The following ALK variants were observed in gnomAD, a reference collection of about 807,000 sequenced individuals.
ALK encodes the protein ALK tyrosine kinase receptor.
A neutral mutation model predicts 163.1 loss-of-function variants in ALK; 74 were observed. The observed-to-expected ratio is 0.45, with a 90% CI of 0.38 to 0.55. ALK has a LOEUF of 0.55. Among genes scored for constraint, ALK ranks in the 20% least tolerant of loss-of-function variants. The pLI is 0.00. For missense variants in ALK, 2,063 were observed against 2,105.3 expected (o/e 0.98, Z 0.39); for synonymous variants, 960 against 843.2 (o/e 1.14, Z -2.40).
intron 1 of ALK, among the ~76,000 whole-genome samples, chr2:29,792,279 A>G (rs1408259006): frequency 6.6e-6 from 1 of 152,208 alleles, no homozygotes; most frequent in Non-Finnish European, 1.5e-5. Context: ...GATAGATGGA[A>G]TAATGGAACA....
intron 1 of ALK, among the ~76,000 whole-genome samples, chr2:29,900,564 C>A (rs1485238820): frequency 1.3e-5 from 2 of 152,222 alleles, no homozygotes; most frequent in African/African-American, 4.8e-5. Flanking sequence ...TTTTCTGGCA[C>A]CCACTGTGGT....
intron 26 of ALK, among the ~76,000 whole-genome samples, chr2:29,206,204 C>T (rs1669304619): frequency 6.6e-6 from 1 of 151,372 alleles, no homozygotes; most frequent in Admixed American, 6.6e-5. Flanking sequence ...CCCTCCCTTT[C>T]TTCTCTCTCC....
chr2:29,631,432 T>C (rs868172189), intron 3 of ALK, among the ~76,000 whole-genome samples: 29 of 152,180 alleles, frequency 1.9e-4, no homozygotes, highest in African/African-American at 7.0e-4. Flanking sequence ...TGTGGAACAG[T>C]GAGCATGGAA....
At chr2:29,469,922 G>GA (rs1006837567) in intron 4 of ALK, among the ~76,000 whole-genome samples, 1 of 151,768 alleles carries the variant, frequency 6.6e-6, no homozygotes, top group Non-Finnish European at 1.5e-5. Context: ...AAAAGCAATG[G>GA]AAAAAAATAA....
chr2:29,790,380 TA>T (rs1664160464), intron 1 of ALK, among the ~76,000 whole-genome samples: 1 of 152,162 alleles, frequency 6.6e-6, no homozygotes, highest in African/African-American at 2.4e-5. Context: ...GAAAAAATGT[TA>T]ATCTATGCAA....
intron 5 of ALK, among the ~76,000 whole-genome samples, chr2:29,355,491 GACAC>G (rs148233746): frequency 2.0e-5 from 3 of 150,238 alleles, no homozygotes; most frequent in South Asian, 2.1e-4. Context: ...ACCACACACA[GACAC>G]ACACACACAC....
At chr2:29,858,578 CAA>C (rs541691258) in intron 1 of ALK, among the ~76,000 whole-genome samples, 7 of 130,536 alleles carry the variant, frequency 5.4e-5, no homozygotes, top group African/African-American at 5.6e-5. Context: ...ACTAAAAATA[CAA>C]AAAAAAAAAA....
intron 4 of ALK, among the ~76,000 whole-genome samples, chr2:29,458,173 T>C (rs1297711733): frequency 6.6e-6 from 1 of 152,170 alleles, no homozygotes; most frequent in Admixed American, 6.5e-5. Context: ...TACACACACA[T>C]AGCTATGTAA....
intron 4 of ALK, among the ~76,000 whole-genome samples, chr2:29,458,936 A>T (rs1671021571): frequency 6.6e-6 from 1 of 152,096 alleles, no homozygotes; most frequent in Non-Finnish European, 1.5e-5. Context: ...CTTTTGCCTC[A>T]CTGAGTGGTT....
chr2:29,403,125 A>T (rs972356523), intron 4 of ALK, among the ~76,000 whole-genome samples: 2 of 152,192 alleles, frequency 1.3e-5, no homozygotes, highest in African/African-American at 4.8e-5. Flanking sequence ...ATGAGATGAT[A>T]ACCACACAGC....
chr2:29,290,540 G>A (rs1665995107), intron 9 of ALK, among the ~76,000 whole-genome samples: 1 of 152,166 alleles, frequency 6.6e-6, no homozygotes, highest in South Asian at 2.1e-4. Context: ...GCAGATGTGG[G>A]GGGCACCCCT....
chr2:29,844,790 A>T (rs1558514942), intron 1 of ALK, among the ~76,000 whole-genome samples: 1 of 152,016 alleles, frequency 6.6e-6, no homozygotes, highest in Admixed American at 6.6e-5. Context: ...GTTTAAAAGT[A>T]TGTGTTTGAT....
In ALK at chr2:29,637,709, C is replaced by CAAAAAAAAAAAAAAAAA. The variant is rs70958274; in HGVS notation, c.952+57140_952+57141insTTTTTTTTTTTTTTTTT. Among the ~76,000 whole-genome samples the CAAAAAAAAAAAAAAAAA allele has an allele frequency of 1.2e-3, 133 of 112,298 alleles. 6 individuals carry two copies. Among genetic ancestry groups the CAAAAAAAAAAAAAAAAA allele is most frequent in the African/African-American group, 5.5e-3 (127 of 23,040 alleles). The allele number at this position is 112,298 out of a possible 152,430, so 73.7% of individuals were successfully genotyped here. A position where few individuals can be genotyped will look rare whatever the true frequency, so the allele number is the denominator to read the frequency against. On this transcript the variant is annotated intron_variant, in intron 3 of 28. Transcript: ENST00000389048. ...GGGTGACAGAGCAAGACTCCGTCTC[C>CAAAAAAAAAAAAAAAAA]AAAAAAAAAAAAAGAGGACTCTTTG...
intron 1 of ALK, among the ~76,000 whole-genome samples, chr2:29,844,859 G>GCA (rs34706620): frequency 0.16 from 24,433 of 148,482 alleles, 2,006 homozygotes; most frequent in East Asian, 0.22. Flanking sequence ...TAACCCCCCT[G>GCA]CACACACACA....
intron 1 of ALK, among the ~76,000 whole-genome samples, chr2:29,820,123 G>C (rs1403660914): frequency 6.6e-6 from 1 of 152,202 alleles, no homozygotes; most frequent in South Asian, 2.1e-4. Context: ...CTAATGAATA[G>C]AATATGGTGT....
At chr2:29,848,182 C>T (rs1665895932) in intron 1 of ALK, among the ~76,000 whole-genome samples, 1 of 152,020 alleles carries the variant, frequency 6.6e-6, no homozygotes, top group Admixed American at 6.6e-5. Flanking sequence ...GCTTTTCTTC[C>T]CAACCACCTA....
intron 9 of ALK, among the ~76,000 whole-genome samples, chr2:29,275,944 A>G (rs2148215730): frequency 6.6e-6 from 1 of 152,284 alleles, no homozygotes; most frequent in East Asian, 1.9e-4. Context: ...AACAGGAGAA[A>G]TGGGTAGGTC....
intron 11 of ALK, among the ~76,000 whole-genome samples, chr2:29,259,350 A>G (rs560388174): frequency 2.0e-5 from 3 of 152,224 alleles, no homozygotes; most frequent in East Asian, 1.9e-4. Context: ...GCCATTACAT[A>G]TGCTTCTCTT....
At chr2:29,305,553 C>T (rs1254827569) in intron 8 of ALK, among the ~76,000 whole-genome samples, 1 of 152,192 alleles carries the variant, frequency 6.6e-6, no homozygotes, top group African/African-American at 2.4e-5. Flanking sequence ...CTTCATTTCC[C>T]TTACACAGTC....
Sources: allele counts gnomAD v4.1 joint callset (sites outside exome capture counted in the v4.1 genomes callset), GRCh38; gene constraint gnomAD v4.1.1; transcripts MANE v1.5; gene names NCBI Gene and HGNC (gene_info 2026-07-23, HGNC 2026-07-21).